Variants in F5 observed in about 807,000 individuals in gnomAD.
F5 encodes the protein coagulation factor V, also known as activated protein c cofactor.
F5 carries 138 observed loss-of-function variants against 216.4 expected under a neutral mutation model. That is an observed-to-expected ratio of 0.64 (90% confidence interval 0.56 to 0.73). The LOEUF is 0.73. Ranked by LOEUF, F5 falls within the 30% of genes least tolerant of loss-of-function variation. F5 has a pLI of 0.00. For missense variants in F5, 2,403 were observed against 2,674.0 expected (o/e 0.90, Z 2.24); for synonymous variants, 916 against 930.7 (o/e 0.98, Z 0.29).
At position 169,550,701 on chromosome 1, in the gene F5, A is replaced by C. The variant is rs758454233; in HGVS notation, c.1335T>G (p.Ile445Met). Residue 445 changes from isoleucine (I) to methionine (M), a missense_variant, in exon 9 of 25, where the codon ATT (isoleucine) becomes ATG (methionine). By Grantham distance (10) the Ile-to-Met change is conservative (BLOSUM62 1). This residue lies in a region of F5 where 1,425 missense variants were observed against 1,554.8 expected (regional missense o/e 0.92). Coordinates refer to ENST00000367797, the MANE Select transcript of F5 (RefSeq NM_000130.5). The part of the protein sequence containing the change: ...FKNMASRPYS[I>M]YPHGVTFSPY... ...GCGAGAAGGTCACTCCATGAGGGTA[A>C]ATGCTATAGGGGCGGCTGGCCATAT... 17 of 1,614,064 alleles carry C rather than the reference A, an allele frequency of 1.1e-5. No individual in the cohort carries two copies. In the Admixed American group the frequency reaches 2.7e-4, roughly 25 times the overall value.
At chr1:169,583,875 C>T (rs1390546028) in intron 1 of F5, among the ~76,000 whole-genome samples, 1 of 152,162 alleles carries the variant, frequency 6.6e-6, no homozygotes, top group African/African-American at 2.4e-5. Flanking sequence ...TCACTGGAAG[C>T]ATTCAAGTAG....
At chr1:169,582,691 T>C (rs566808257) in intron 1 of F5, among the ~76,000 whole-genome samples, 169 bp from the exon 2 acceptor site, 27 of 152,364 alleles carry the variant, frequency 1.8e-4, no homozygotes, top group African/African-American at 5.0e-4. Flanking sequence ...GTAAAGTTAA[T>C]GAAATAATTA....
chr1:169,556,769 C>T lies in F5; in HGVS notation c.829G>A (p.Glu277Lys), dbSNP rs370383592. Reference protein sequence around the residue: ...FSIHFNGQVLEQNHHKVSAIT... With the variant: ...FSIHFNGQVLKQNHHKVSAIT... ...GCTGAGACCTTATGATGGTTCTGCT[C>T]CAGGACCTGGCCGTTGAAATGAATG... is the stretch of plus-strand genomic sequence containing the variant. Residue 277 changes from glutamate (E) to lysine (K), a missense_variant, in exon 6 of 25, where the codon GAG becomes AAG. By Grantham distance (56) the Glu-to-Lys change is moderately conservative. Coordinates refer to ENST00000367797, the MANE Select transcript of F5 (RefSeq NM_000130.5). 1 of 1,614,064 alleles carries T rather than the reference C, an allele frequency of 6.2e-7. No individual in the cohort carries two copies. The highest frequency in any genetic ancestry group is 8.5e-7 in the Non-Finnish European group (1 of 1,179,994).
intron 14 of F5, among the ~76,000 whole-genome samples, chr1:169,533,653 A>G (rs1659639154): frequency 6.6e-6 from 1 of 152,210 alleles, no homozygotes; most frequent in South Asian, 2.1e-4. Context: ...AATGCTCAAC[A>G]TCACTAATCA....
intron 3 of F5, among the ~76,000 whole-genome samples, chr1:169,561,377 T>C (rs1472051728): frequency 6.6e-6 from 1 of 152,110 alleles, no homozygotes; most frequent in African/African-American, 2.4e-5. Flanking sequence ...TTAGATGTCT[T>C]ACTTTGTACT....
Position 169,512,046 on chromosome 1 carries a change from A to T in F5, c.*2267T>A, listed in dbSNP as rs1469236007. On this transcript the variant is annotated 3_prime_UTR_variant, in exon 25 of 25. Transcript: ENST00000367797. Reference sequence around the variant, plus strand: ...AGCCCAAACATATTATTGATCCCCAAACAAGTATTTTCCAGATCAATTAAT... The same window carrying T: ...AGCCCAAACATATTATTGATCCCCATACAAGTATTTTCCAGATCAATTAAT... Among the ~76,000 whole-genome samples, 1 of 152,076 alleles carries T rather than the reference A, an allele frequency of 6.6e-6. No individual in the cohort carries two copies.
At chr1:169,554,980 G>A (rs1660275996) in intron 7 of F5, among the ~76,000 whole-genome samples, 1 of 152,184 alleles carries the variant, frequency 6.6e-6, no homozygotes, top group South Asian at 2.1e-4. Flanking sequence ...GGTAGCTGCT[G>A]TTGTCATTTT....
At position 169,555,329 on chromosome 1, in the gene F5, A is replaced by G. The variant is rs141622672; in HGVS notation, c.971T>C (p.Ile324Thr). Residue 324 changes from isoleucine to threonine, a missense_variant, in exon 7 of 25, where the codon ATT (isoleucine) becomes ACT (threonine). Physicochemically the swap from Ile to Thr is moderately conservative, Grantham distance 89. Coordinates refer to ENST00000367797, the MANE Select transcript of F5 (RefSeq NM_000130.5). ...TTTCTTTGGGCAGTTTTTAATGTCA[A>G]TGTAAGCCTGCATCCCAGCTGAGTT... ...KHLQAGMQAY[I>T]DIKNCPKKTR... The G allele has an allele frequency of 8.1e-6, 13 of 1,614,020 alleles. No individual in the cohort carries two copies. The highest frequency in any genetic ancestry group is 1.3e-5 in the African/African-American group (1 of 74,922).
chr1:169,555,504 C>G (rs1224613976), intron 6 of F5, among the ~76,000 whole-genome samples, 157 bp from the exon 7 acceptor site: 2 of 151,008 alleles, frequency 1.3e-5, no homozygotes, highest in Admixed American at 6.6e-5. Flanking sequence ...GTTTGGAACT[C>G]TTTAAGTGGC....
Position 169,546,432 on chromosome 1 carries a change from T to A in F5, c.1762+10A>T. ...AAAAACTGATGAACAAAAATAGTAC[T>A]CTGACTTACTGCTCATGATGTTTGA... On this transcript the variant is annotated intron_variant, in intron 11 of 24. Transcript: ENST00000367797. 6.2e-7 allele frequency: 1 copy of A among 1,614,064 alleles called. No individual in the cohort carries two copies. Among genetic ancestry groups the A allele is most frequent in the Non-Finnish European group, 8.5e-7 (1 of 1,179,962 alleles).
intron 3 of F5, among the ~76,000 whole-genome samples, chr1:169,571,603 A>G (rs557456819): frequency 6.6e-6 from 1 of 152,172 alleles, no homozygotes; most frequent in East Asian, 1.9e-4. Flanking sequence ...CAGGAAGCCT[A>G]TATCAGGCTA....
At position 169,518,392 on chromosome 1, in the gene F5, A is replaced by G; in HGVS notation, c.6345+20T>C. The G allele has an allele frequency of 6.2e-7, 1 of 1,613,344 alleles. No homozygotes were observed. Among genetic ancestry groups the G allele is most frequent in the Non-Finnish European group, 8.5e-7 (1 of 1,179,570 alleles). On this transcript the variant is annotated intron_variant, in intron 23 of 24. Coordinates refer to ENST00000367797, the MANE Select transcript of F5 (RefSeq NM_000130.5). The stretch of plus-strand genomic sequence containing the variant: ...TCTTCTGGAGCCCTAAGAGAACACC[A>G]TGCATAGAGTATACTTGACCTTGGC...
At chr1:169,554,914 C>T (rs186940154) in intron 7 of F5, among the ~76,000 whole-genome samples, 11 of 152,254 alleles carry the variant, frequency 7.2e-5, no homozygotes, top group Admixed American at 5.9e-4. Flanking sequence ...AGAGTTGAAG[C>T]GAAGCTCTCA....
At chr1:169,534,362 G>A (rs980045843) in intron 14 of F5, among the ~76,000 whole-genome samples, 5 of 152,172 alleles carry the variant, frequency 3.3e-5, no homozygotes, top group South Asian at 4.2e-4. Context: ...TGGGTATATA[G>A]CCAAAAAAGA....
intron 14 of F5, among the ~76,000 whole-genome samples, chr1:169,533,950 G>C (rs984208960): frequency 3.9e-5 from 6 of 152,084 alleles, no homozygotes; most frequent in African/African-American, 1.4e-4. Flanking sequence ...AGGCAGAAAT[G>C]AAATCCACAA....
chr1:169,583,881 A>G (rs182952254), intron 1 of F5, among the ~76,000 whole-genome samples: 371 of 152,352 alleles, frequency 2.4e-3, no homozygotes, highest in Admixed American at 3.7e-3. Flanking sequence ...GAAGCATTCA[A>G]GTAGAAATTA....
chr1:169,550,770 T>G, intron 8 of F5, 31 bp from the exon 9 acceptor site: 4 of 1,500,672 alleles, frequency 2.7e-6, no homozygotes, highest in Non-Finnish European at 3.7e-6. Context: ...TATTCTAGGA[T>G]TTAAGGTTGA....
In F5 at chr1:169,542,425, T is replaced by C. The variant is rs776082368; in HGVS notation, c.2665A>G (p.Lys889Glu). Reference protein sequence around the residue: ...RFSWMKLLAHKVGRHLSQDTG... With the variant: ...RFSWMKLLAHEVGRHLSQDTG... ...TCTTGGCTTAGGTGTCTCCCAACTT[T>C]ATGTGCTAGTAATTTCATCCAGGAG... Residue 889 changes from lysine (K) to glutamate (E), a missense_variant, in exon 13 of 25, where the codon AAA becomes GAA. Lys to Glu is a moderately conservative substitution (Grantham distance 56, BLOSUM62 1). Coordinates refer to ENST00000367797, the MANE Select transcript of F5 (RefSeq NM_000130.5). The C allele has an allele frequency of 7.0e-5, 113 of 1,614,002 alleles. No homozygotes were observed. The highest frequency in any genetic ancestry group is 9.4e-5 in the Non-Finnish European group (111 of 1,180,002).
Position 169,585,936 on chromosome 1 carries a change from T to C in F5, c.158+293A>G, listed in dbSNP as rs58348617. Among the ~76,000 whole-genome samples, 1,203 of 152,194 alleles carry C rather than the reference T, an allele frequency of 7.9e-3. 19 individuals carry two copies. The highest frequency in any genetic ancestry group is 0.028 in the African/African-American group (1,149 of 41,516). On this transcript the variant is annotated intron_variant, in intron 1 of 24. Coordinates refer to ENST00000367797, the MANE Select transcript of F5 (RefSeq NM_000130.5). ...TGGTGCCTTTGAATTAACCAATATA[T>C]AAGCCAACACAAACATACTAACAAA... is the stretch of plus-strand genomic sequence containing the variant.
Sources: gnomAD v4.1 joint callset for allele counts (sites outside exome capture counted in the v4.1 genomes callset) on GRCh38, gnomAD v4.1.1 for gene constraint, gnomAD v4.1.1 regional missense constraint, MANE v1.5 for transcripts, NCBI Gene and HGNC (gene_info 2026-07-23, HGNC 2026-07-21) for gene names.